The following NEK5 variants were observed in gnomAD, a reference collection of about 807,000 sequenced individuals.
NEK5 encodes serine/threonine-protein kinase Nek5.
In NEK5, 88 loss-of-function variants were observed where a neutral mutation model predicts 109.2. The observed-to-expected ratio is 0.81, with a 90% CI of 0.68 to 0.96. The LOEUF (loss-of-function observed/expected upper bound fraction) is 0.96, where lower values mean the gene tolerates loss of function less well. NEK5 is among the 40% of genes least tolerant of loss of function. NEK5 has a pLI of 0.00. For synonymous variants in NEK5, 283 were observed against 299.9 expected, an observed-to-expected ratio of 0.94 and a Z score of 0.58; for missense variants, 834 against 920.7, an observed-to-expected ratio of 0.91 and a Z score of 1.22.
intron 22 of NEK5, among the ~76,000 whole-genome samples, chr13:52,057,243 A>T (rs201153909): frequency 1.4e-4 from 21 of 150,020 alleles, no homozygotes; most frequent in Admixed American, 2.0e-4. Flanking sequence ...CCAAGACTAA[A>T]CCAGGAAGAA....
At chr13:52,080,544 G>C (rs11148241) in intron 17 of NEK5, among the ~76,000 whole-genome samples, 3 of 152,170 alleles carry the variant, frequency 2.0e-5, no homozygotes, top group East Asian at 3.9e-4. Flanking sequence ...TTGTTCTATA[G>C]TAAGAAAAAT....
intron 11 of NEK5, 82 bp downstream of exon 11, chr13:52,101,851 T>TGAAA: frequency 1.8e-6 from 2 of 1,114,588 alleles, no homozygotes; most frequent in Non-Finnish European, 2.7e-6. Flanking sequence ...TTTCAATATG[T>TGAAA]TTGGTGAAAT....
At chr13:52,074,718 T>C (rs994976107) in intron 19 of NEK5, among the ~76,000 whole-genome samples, 1 of 152,064 alleles carries the variant, frequency 6.6e-6, no homozygotes, top group Non-Finnish European at 1.5e-5. Context: ...AAGAAAATAT[T>C]TGCAAACTAT....
intron 17 of NEK5, among the ~76,000 whole-genome samples, chr13:52,079,306 C>CCCTCTA (rs1954926550): frequency 6.6e-6 from 1 of 151,500 alleles, no homozygotes; most frequent in African/African-American, 2.4e-5. Flanking sequence ...CTCTCCCTCT[C>CCCTCTA]CCTCTCCCTC....
intron 13 of NEK5, among the ~76,000 whole-genome samples, chr13:52,091,648 C>A (rs756332382): frequency 1.1e-4 from 17 of 152,004 alleles, no homozygotes; most frequent in Non-Finnish European, 2.4e-4. Context: ...AAATTCTTAA[C>A]CCTGAACAAA....
intron 4 of NEK5, among the ~76,000 whole-genome samples, chr13:52,114,689 A>G (rs796893428): frequency 3.9e-5 from 6 of 152,304 alleles, no homozygotes; most frequent in African/African-American, 1.4e-4. Context: ...GGGTGAGGAG[A>G]AAGCGCATGC....
rs1954491631 is a variant in NEK5, at chr13:52,050,138, C to T, written c.2194G>A (p.Glu732Lys). 4 of 985,562 alleles carry T rather than the reference C, an allele frequency of 4.1e-6. No individual in the cohort carries two copies. The South Asian group carries it at 1.4e-4, about 35-fold the overall frequency. The allele number at this position is 985,562 out of a possible 1,614,324, so 61.1% of individuals were successfully genotyped here. A position where few individuals can be genotyped will look rare whatever the true frequency, so the allele number is the denominator to read the frequency against. Reference sequence around the variant, plus strand: ...TCATCAGATCTTGGTTCTAGTTGTTCCTCATCTACTTCAATGCCAGAGACC... The same window carrying T: ...TCATCAGATCTTGGTTCTAGTTGTTTCTCATCTACTTCAATGCCAGAGACC... ...EMVSGIEVDE[E>K]QLEPRSDDDD... Residue 732 changes from glutamate to lysine, a missense_variant, in exon 23 of 24, where the codon GAA becomes AAA. By Grantham distance (56) the Glu-to-Lys change is moderately conservative (BLOSUM62 1). This residue lies in a region of NEK5 where 57 missense variants were observed against 96.0 expected (regional missense o/e 0.59). Transcript: ENST00000684899.
intron 12 of NEK5, among the ~76,000 whole-genome samples, chr13:52,093,473 T>C (rs1001106144): frequency 2.0e-5 from 3 of 151,912 alleles, no homozygotes; most frequent in African/African-American, 7.3e-5. Flanking sequence ...GGAAGGAGAA[T>C]CACTTGAACC....
At chr13:52,119,137 C>T (rs1053260379) in intron 4 of NEK5, among the ~76,000 whole-genome samples, 182 bp downstream of exon 4, 14 of 151,976 alleles carry the variant, frequency 9.2e-5, no homozygotes, top group African/African-American at 2.9e-4. Flanking sequence ...ATAAGAAAGC[C>T]GTCTACAAAA....
At chr13:52,065,975 T>C (rs1253584866) in intron 20 of NEK5, among the ~76,000 whole-genome samples, 1 of 151,336 alleles carries the variant, frequency 6.6e-6, no homozygotes, top group Non-Finnish European at 1.5e-5. Context: ...CTTATTACTG[T>C]TTTCACTATA....
chr13:52,069,619 TC>T lies in NEK5; in HGVS notation c.1849+2324del, dbSNP rs1461315223. The stretch of plus-strand genomic sequence containing the variant: ...CTTGTCTCTCCCGACCCCATTACCC[TC>T]CATGTGATGTATTTTTGGTTGATGA... On this transcript the variant is annotated intron_variant, in intron 20 of 23. Transcript: ENST00000684899. Among the ~76,000 whole-genome samples, 7 of 152,290 alleles carry T rather than the reference TC, an allele frequency of 4.6e-5. No individual in the cohort carries two copies. The East Asian group carries it at 1.4e-3, about 29-fold the overall frequency.
At chr13:52,117,398 A>G (rs1380188062) in intron 4 of NEK5, among the ~76,000 whole-genome samples, 1 of 152,188 alleles carries the variant, frequency 6.6e-6, no homozygotes, top group Non-Finnish European at 1.5e-5. Flanking sequence ...GCAAACTCAA[A>G]GGCATCACAA....
rs1277484357 is a variant in NEK5, at chr13:52,080,265, T to TGGGGG, written c.1572+2990_1572+2994dup. On this transcript the variant is annotated intron_variant, in intron 17 of 23. Transcript: ENST00000684899. ...CCAGCCGCCCCATCCGGGAGGGAGG[T>TGGGGG]GGGGGGGGGTCAGCCCCCCGCCCGG... 1.5e-3 allele frequency among the ~76,000 whole-genome samples: 153 copies of TGGGGG among 104,154 alleles called. 1 individual carries two copies. The highest frequency in any genetic ancestry group is 4.9e-3 in the African/African-American group (135 of 27,572). The allele number at this position is 104,154 out of a possible 152,430, so 68.3% of individuals were successfully genotyped here.
At chr13:52,069,493 T>A (rs1341322100) in intron 20 of NEK5, among the ~76,000 whole-genome samples, 1 of 152,206 alleles carries the variant, frequency 6.6e-6, no homozygotes, top group Non-Finnish European at 1.5e-5. Flanking sequence ...CCAAGCTATA[T>A]CTTTATCCCT....
At chr13:52,104,052 T>G (rs1193236457) in intron 9 of NEK5, among the ~76,000 whole-genome samples, 1 of 152,188 alleles carries the variant, frequency 6.6e-6, no homozygotes, top group African/African-American at 2.4e-5. Flanking sequence ...CTCTGCCTCC[T>G]GGGTTCTAGC....
In NEK5 at chr13:52,079,668, C is replaced by A. The variant is rs576247379; in HGVS notation, c.1573-3525G>T. Among the ~76,000 whole-genome samples, 12 of 152,364 alleles carry A rather than the reference C, an allele frequency of 7.9e-5. No individual in the cohort carries two copies. In the East Asian group the frequency reaches 2.3e-3, roughly 29 times the overall value. On this transcript the variant is annotated intron_variant, in intron 17 of 23. Transcript: ENST00000684899. ...CTGGCTACAACCTCCACCTCCCACC[C>A]GCCTGCCTTGGCCTCCCAAAGTGCC...
In NEK5 at chr13:52,093,467, G is replaced by A. The variant is rs527814284; in HGVS notation, c.1027-232C>T. Among the ~76,000 whole-genome samples, 3 of 152,198 alleles carry A rather than the reference G, an allele frequency of 2.0e-5. No individual in the cohort carries two copies. The East Asian group carries it at 5.8e-4, about 29-fold the overall frequency. The stretch of plus-strand genomic sequence containing the variant: ...CCCAGCTACTTGGGAGGCTGAGGAA[G>A]GAGAATCACTTGAACCCAGGAGGTG... On this transcript the variant is annotated intron_variant, in intron 12 of 23. Coordinates refer to ENST00000684899, the MANE Select transcript of NEK5 (RefSeq NM_001365552.1).
intron 22 of NEK5, among the ~76,000 whole-genome samples, chr13:52,055,603 G>A (rs1167714204): frequency 4.6e-5 from 7 of 152,128 alleles, no homozygotes; most frequent in Admixed American, 6.5e-5. Context: ...TGGATCTCTC[G>A]GCAGAAACTC....
intron 14 of NEK5, among the ~76,000 whole-genome samples, chr13:52,088,422 T>C (rs1276646347): frequency 6.6e-6 from 1 of 151,696 alleles, no homozygotes; most frequent in Non-Finnish European, 1.5e-5. Flanking sequence ...GCCTGGCTAA[T>C]TTTTGTATTT....
Sources: gnomAD v4.1 joint callset for allele counts (sites outside exome capture counted in the v4.1 genomes callset) on GRCh38, gnomAD v4.1.1 for gene constraint, gnomAD v4.1.1 regional missense constraint, MANE v1.5 for transcripts, NCBI Gene and HGNC (gene_info 2026-07-23, HGNC 2026-07-21) for gene names.